The following CACNA2D2 variants were observed in gnomAD, a reference collection of about 807,000 sequenced individuals.
The protein encoded by CACNA2D2 is calcium voltage-gated channel auxiliary subunit alpha2delta 2.
A neutral mutation model predicts 166.4 loss-of-function variants in CACNA2D2; 48 were observed. That is an observed-to-expected ratio of 0.29 (90% CI 0.23 to 0.37). CACNA2D2 has a LOEUF of 0.37. CACNA2D2 is among the 10% of genes least tolerant of loss of function. CACNA2D2 has a pLI of 1.00. For missense variants in CACNA2D2, 1,122 were observed against 1,433.0 expected, an observed-to-expected ratio of 0.78 and a Z score of 3.50; for synonymous variants, 561 against 573.7, an observed-to-expected ratio of 0.98 and a Z score of 0.32.
At chr3:50,441,216 T>C (rs947939088) in intron 2 of CACNA2D2, among the ~76,000 whole-genome samples, 1 of 152,018 alleles carries the variant, frequency 6.6e-6, no homozygotes, top group Non-Finnish European at 1.5e-5. Context: ...AGGCAACTTC[T>C]AGGAGCTTTC....
At chr3:50,417,442 C>T (rs541067030) in intron 3 of CACNA2D2, among the ~76,000 whole-genome samples, 1 of 152,230 alleles carries the variant, frequency 6.6e-6, no homozygotes, top group Admixed American at 6.5e-5. Context: ...CTTTTGCTGA[C>T]ATCAGCAGCT....
chr3:50,385,820 G>A (rs1705573150), intron 5 of CACNA2D2, among the ~76,000 whole-genome samples: 1 of 152,218 alleles, frequency 6.6e-6, no homozygotes, highest in Non-Finnish European at 1.5e-5. Flanking sequence ...CAGAGGAGGG[G>A]GAGGCGCGGG....
intron 2 of CACNA2D2, among the ~76,000 whole-genome samples, chr3:50,452,489 T>C (rs1709147866): frequency 6.6e-6 from 1 of 152,196 alleles, no homozygotes; most frequent in Non-Finnish European, 1.5e-5. Context: ...TGACATGTGA[T>C]GGATGTAACT....
rs145934673 is a variant in CACNA2D2 at position 50,433,359 on chromosome 3, G to T, written c.405+954C>A. Among the ~76,000 whole-genome samples, 9 of 151,494 alleles carry T rather than the reference G, an allele frequency of 5.9e-5. 1 individual carries two copies. The East Asian group carries it at 1.7e-3, about 29-fold the overall frequency. The stretch of plus-strand genomic sequence containing the variant: ...GAGACTTTATTCCGTTTTTTTTGTT[G>T]TTTGTTTTTTTTTTAAAGAGATGAG... On this transcript the variant is annotated intron_variant, in intron 3 of 37. Transcript: ENST00000424201.
chr3:50,468,431 G>GTA (rs1709920762), intron 2 of CACNA2D2, among the ~76,000 whole-genome samples: 1 of 147,608 alleles, frequency 6.8e-6, no homozygotes, highest in Non-Finnish European at 1.5e-5. Flanking sequence ...GTGTGTGTGT[G>GTA]TGTGTGTGTG....
In CACNA2D2 at chr3:50,365,459, G is replaced by T. The variant is rs146587089; in HGVS notation, c.2995C>A (p.Pro999Thr). Residue 999 changes from proline to threonine, a missense_variant, in exon 35 of 38, where the codon CCC becomes ACC. Physicochemically the swap from Pro to Thr is conservative, Grantham distance 38. Coordinates refer to ENST00000424201, the MANE Select transcript of CACNA2D2 (RefSeq NM_006030.4). The surrounding 1 kb of genome is among the most constrained non-coding windows in gnomAD (Gnocchi z 4.5). ...QADPAEAEGS[P>T]ETRESSCVMK... ...ACGCAGCTGCTCTCGCGCGTCTCGG[G>T]GCTCCCCTCGGCCTCCGCGGGGTCT... is the stretch of plus-strand genomic sequence containing the variant. 13 of 1,613,428 alleles carry T rather than the reference G, an allele frequency of 8.1e-6. No homozygotes were observed. The highest frequency in any genetic ancestry group is 1.1e-5 in the Non-Finnish European group (13 of 1,179,872).
At chr3:50,421,524 A>C (rs1200624498) in intron 3 of CACNA2D2, among the ~76,000 whole-genome samples, 1 of 151,994 alleles carries the variant, frequency 6.6e-6, no homozygotes, top group Non-Finnish European at 1.5e-5. Flanking sequence ...GGGCCTGGGG[A>C]CAGGGTCTTC....
chr3:50,420,442 A>G (rs1707494846), intron 3 of CACNA2D2, among the ~76,000 whole-genome samples: 1 of 152,196 alleles, frequency 6.6e-6, no homozygotes, highest in South Asian at 2.1e-4. Flanking sequence ...ACTTGAAAAC[A>G]GCTTAAACTG....
chr3:50,503,247 G>C lies in CACNA2D2; in HGVS notation c.177C>G (p.Ala59=). The change falls in exon 1 of 38, where the codon GCC becomes GCG. Residue 59 remains alanine, a synonymous_variant. Transcript: ENST00000424201. ...GCTGCTGGGGGAAGCTGTAGGCAGA[G>C]GCGCCGGGGGCGGCGAGCAGCGGTA... ...PLLPLLAAPG[A]SAYSFPQQHT... The C allele has an allele frequency of 8.4e-7, 1 of 1,194,894 alleles. No homozygotes were observed. Among genetic ancestry groups the C allele is most frequent in the Non-Finnish European group, 1.0e-6 (1 of 963,194 alleles). The allele number at this position is 1,194,894 out of a possible 1,614,324, so 74.0% of individuals were successfully genotyped here.
intron 1 of CACNA2D2, among the ~76,000 whole-genome samples, chr3:50,494,630 G>T (rs901425537): frequency 2.0e-4 from 31 of 152,238 alleles, no homozygotes; most frequent in African/African-American, 7.5e-4. Context: ...TGCCAAAGCA[G>T]ACCTCAACTT....
chr3:50,502,479 A>C (rs1402678739), intron 1 of CACNA2D2, among the ~76,000 whole-genome samples: 1 of 152,256 alleles, frequency 6.6e-6, no homozygotes, highest in Non-Finnish European at 1.5e-5. Flanking sequence ...GAGAAGGCTC[A>C]GAAGGACCAA....
chr3:50,460,993 G>T (rs1025296112), intron 2 of CACNA2D2, among the ~76,000 whole-genome samples: 8 of 151,952 alleles, frequency 5.3e-5, no homozygotes, highest in African/African-American at 1.9e-4. Flanking sequence ...AAATAAAAAA[G>T]AACAGGGCCT....
At chr3:50,498,953 C>T (rs1698842197) in intron 1 of CACNA2D2, among the ~76,000 whole-genome samples, 1 of 152,184 alleles carries the variant, frequency 6.6e-6, no homozygotes, top group South Asian at 2.1e-4. Context: ...GGTCAGTCTC[C>T]CCATCTGGAG....
chr3:50,470,782 G>C (rs4688719), intron 2 of CACNA2D2, among the ~76,000 whole-genome samples: 21,456 of 151,772 alleles, frequency 0.14, 2,804 homozygotes, highest in East Asian at 0.62. Flanking sequence ...GGCCGGGTTG[G>C]GGGGGACACA....
At chr3:50,416,697 C>T (rs374927646) in intron 3 of CACNA2D2, among the ~76,000 whole-genome samples, 3 of 152,242 alleles carry the variant, frequency 2.0e-5, no homozygotes, top group Non-Finnish European at 2.9e-5. Flanking sequence ...GCTGGAGCCG[C>T]GGAGCCACAG....
intron 15 of CACNA2D2, 81 bp downstream of exon 15, chr3:50,377,927 G>A: frequency 1.3e-6 from 2 of 1,508,606 alleles, no homozygotes; most frequent in Non-Finnish European, 1.8e-6. Context: ...CCATAAGGGG[G>A]CCCTCCAGGG....
chr3:50,496,331 G>A (rs532835695), intron 1 of CACNA2D2, among the ~76,000 whole-genome samples: 46 of 152,368 alleles, frequency 3.0e-4, no homozygotes, highest in Admixed American at 9.1e-4. Context: ...CCATGTGTGA[G>A]TACAAACACA....
At chr3:50,424,611 C>T (rs1379023664) in intron 3 of CACNA2D2, among the ~76,000 whole-genome samples, 2 of 152,206 alleles carry the variant, frequency 1.3e-5, no homozygotes, top group African/African-American at 2.4e-5. Flanking sequence ...CTGCCATCTT[C>T]AGCAGACTGC....
chr3:50,471,097 C>T (rs1444845449), intron 2 of CACNA2D2, among the ~76,000 whole-genome samples: 1 of 152,098 alleles, frequency 6.6e-6, no homozygotes, highest in Admixed American at 6.5e-5. Context: ...CCCCACATCC[C>T]CATCATCTAC....
Sources: allele counts gnomAD v4.1 joint callset (sites outside exome capture counted in the v4.1 genomes callset), GRCh38; gene constraint gnomAD v4.1.1; non-coding constraint Gnocchi (gnomAD v3.1); transcripts MANE v1.5; gene names NCBI Gene and HGNC (gene_info 2026-07-23, HGNC 2026-07-21).